ARPP21: variants seen among roughly 807,000 people sequenced by gnomAD.
ARPP21 encodes cAMP regulated phosphoprotein 21.
A neutral mutation model predicts 113.2 loss-of-function variants in ARPP21; 69 were observed. That is an observed-to-expected ratio of 0.61 (90% CI 0.50 to 0.74). ARPP21 has a LOEUF of 0.74. Among genes scored for constraint, ARPP21 ranks in the 30% least tolerant of loss-of-function variants. The pLI is 0.00. For missense variants in ARPP21, 1,070 were observed against 1,037.4 expected, an observed-to-expected ratio of 1.03 and a Z score of -0.43; for synonymous variants, 368 against 375.5, an observed-to-expected ratio of 0.98 and a Z score of 0.23.
rs572040678 is a variant in ARPP21, at chr3:35,673,845, TGAA to T, written c.-212-5935_-212-5933del. Among the ~76,000 whole-genome samples, 40 of 152,086 alleles carry T rather than the reference TGAA, an allele frequency of 2.6e-4. 2 individuals are homozygous for T. The South Asian group carries it at 8.1e-3, about 31-fold the overall frequency. ...ATGCTTCTTTCACATCTTGGAGGAATGAAGAAGAAAAGAGTTCATGTCAGATAT... is the reference window on the plus strand; with the variant it reads ...ATGCTTCTTTCACATCTTGGAGGAATGAAGAAAAGAGTTCATGTCAGATAT... On this transcript the variant is annotated intron_variant, in intron 1 of 20. Coordinates refer to ENST00000684406, the MANE Select transcript of ARPP21 (RefSeq NM_001385562.1).
At chr3:35,648,394 C>T (rs1575405095) in intron 1 of ARPP21, among the ~76,000 whole-genome samples, 1 of 152,130 alleles carries the variant, frequency 6.6e-6, no homozygotes. Context: ...ACCTAAAATC[C>T]TGCACTAGTG....
chr3:35,670,567 A>G (rs2149314276), intron 1 of ARPP21, among the ~76,000 whole-genome samples: 1 of 152,092 alleles, frequency 6.6e-6, no homozygotes, highest in South Asian at 2.1e-4. Flanking sequence ...GACCAACCAC[A>G]TGATCTCTTT....
rs181920764 is a variant in ARPP21, at chr3:35,786,173, T to A, written c.2138-6209T>A. 2.3e-4 allele frequency among the ~76,000 whole-genome samples: 35 copies of A among 152,306 alleles called. 1 individual carries two copies. Among genetic ancestry groups the A allele is most frequent in the Admixed American group, 2.2e-3 (34 of 15,294 alleles). On this transcript the variant is annotated intron_variant, in intron 19 of 20. Coordinates refer to ENST00000684406, the MANE Select transcript of ARPP21 (RefSeq NM_001385562.1). ...TATATATTTTAACCGTATCTTAATTTGTAAACATGTTTAAAAATAATGTCT... is the reference window on the plus strand; with the variant it reads ...TATATATTTTAACCGTATCTTAATTAGTAAACATGTTTAAAAATAATGTCT...
intron 1 of ARPP21, among the ~76,000 whole-genome samples, chr3:35,643,361 T>C (rs897234834): frequency 1.3e-5 from 2 of 152,106 alleles, no homozygotes; most frequent in East Asian, 1.9e-4. Context: ...AATAAACTAC[T>C]AAGGAAAATA....
chr3:35,685,860 T>TA (rs1559612903), intron 5 of ARPP21: 1 of 734,440 alleles, frequency 1.4e-6, no homozygotes, highest in Non-Finnish European at 1.7e-6. Context: ...ATAAAAATAT[T>TA]AAAAAATAAC....
intron 5 of ARPP21, 130 bp downstream of exon 5, chr3:35,683,945 C>T (rs2079754454): frequency 8.7e-7 from 1 of 1,151,044 alleles, no homozygotes; most frequent in Non-Finnish European, 1.3e-6. Context: ...CATTTTTTGG[C>T]TTTATCCCCT....
At chr3:35,762,409 C>T (rs971256952) in intron 19 of ARPP21, among the ~76,000 whole-genome samples, 1 of 152,040 alleles carries the variant, frequency 6.6e-6, no homozygotes, top group African/African-American at 2.4e-5. Context: ...ATAAAATTGA[C>T]AACTAGCATT....
intron 7 of ARPP21, 48 bp downstream of exon 7, chr3:35,689,433 A>G (rs1262366903): frequency 3.2e-6 from 3 of 937,090 alleles, no homozygotes; most frequent in Admixed American, 1.8e-5. Flanking sequence ...CAAATAGAAT[A>G]TTACAATCAA....
At position 35,743,944 on chromosome 3, in the gene ARPP21, C is replaced by G; in HGVS notation, c.2116C>G (p.Pro706Ala). Residue 706 changes from proline (P) to alanine (A), a missense_variant, in exon 19 of 21, where the codon CCA becomes GCA. Transcript: ENST00000684406. ...QYNAQRSQQMPQAAQQAGYQP... is the reference protein window; with the variant it reads ...QYNAQRSQQMAQAAQQAGYQP... ...CAACGCTCAGAGGAGTCAACAGATG[C>G]CACAGGCAGCACAGCAAGCAGGTAC... The G allele has an allele frequency of 6.2e-7, 1 of 1,614,098 alleles. No individual in the cohort carries two copies. Among genetic ancestry groups the G allele is most frequent in the African/African-American group, 1.3e-5 (1 of 75,040 alleles).
chr3:35,786,063 C>G (rs2096626686), intron 19 of ARPP21, among the ~76,000 whole-genome samples: 1 of 152,138 alleles, frequency 6.6e-6, no homozygotes, highest in Non-Finnish European at 1.5e-5. Context: ...GGGAAAAAAG[C>G]AATTTCTGGT....
chr3:35,688,236 T>C (rs913531111), intron 6 of ARPP21, among the ~76,000 whole-genome samples: 6 of 151,552 alleles, frequency 4.0e-5, no homozygotes, highest in Admixed American at 3.3e-4. Context: ...ATACCAAGTT[T>C]GATATCTTAA....
intron 1 of ARPP21, among the ~76,000 whole-genome samples, chr3:35,658,097 G>T (rs1471744687): frequency 1.3e-5 from 2 of 152,012 alleles, no homozygotes; most frequent in African/African-American, 2.4e-5. Flanking sequence ...ACATGGTTTG[G>T]CATCTTTCTT....
intron 2 of ARPP21, chr3:35,680,840 G>A (rs1393750453): frequency 6.6e-6 from 1 of 151,320 alleles, no homozygotes; most frequent in East Asian, 2.0e-4. Context: ...AAAAAGTGAG[G>A]AGGAAGTAAA....
chr3:35,789,935 T>C (rs963754838), intron 19 of ARPP21, among the ~76,000 whole-genome samples: 1 of 152,212 alleles, frequency 6.6e-6, no homozygotes, highest in African/African-American at 2.4e-5. Flanking sequence ...CCACCTAATT[T>C]ATTTTCAAAC....
intron 19 of ARPP21, among the ~76,000 whole-genome samples, chr3:35,747,859 C>T (rs576493728): frequency 9.3e-5 from 14 of 150,966 alleles, no homozygotes; most frequent in Non-Finnish European, 1.9e-4. Context: ...CTGCAGTGAG[C>T]CATGATCATG....
rs972572769 is a variant in ARPP21, at chr3:35,705,863, G to T, written c.687-1111G>T. Among the ~76,000 whole-genome samples the T allele has an allele frequency of 2.6e-5, 4 of 152,100 alleles. 1 individual carries two copies. The highest frequency in any genetic ancestry group is 6.8e-3 in the Middle Eastern group (2 of 294). ...CAAAATTATTATAATTTATGTACAC[G>T]TATTTAAGGAAAGAAAAAAATGCTT... On this transcript the variant is annotated intron_variant, in intron 9 of 20. Transcript: ENST00000684406.
chr3:35,710,842 G>T (rs2090902632), intron 11 of ARPP21, among the ~76,000 whole-genome samples: 1 of 152,270 alleles, frequency 6.6e-6, no homozygotes, highest in Admixed American at 6.5e-5. Context: ...GACAGGGTCT[G>T]CATGACTTTC....
intron 10 of ARPP21, among the ~76,000 whole-genome samples, chr3:35,707,741 G>A (rs1471214622): frequency 6.6e-6 from 1 of 151,966 alleles, no homozygotes; most frequent in African/African-American, 2.4e-5. Context: ...TTCTAGAGTA[G>A]CCTTATTTGT....
chr3:35,657,451 G>T (rs1482676846), intron 1 of ARPP21, among the ~76,000 whole-genome samples: 2 of 152,128 alleles, frequency 1.3e-5, no homozygotes, highest in Admixed American at 1.3e-4. Context: ...TTGAAAAAAT[G>T]CATATGTTTC....
Sources: gnomAD v4.1 joint callset for allele counts (sites outside exome capture counted in the v4.1 genomes callset) on GRCh38, gnomAD v4.1.1 for gene constraint, MANE v1.5 for transcripts, NCBI Gene and HGNC (gene_info 2026-07-23, HGNC 2026-07-21) for gene names.